PICALM: variants seen among roughly 807,000 people sequenced by gnomAD.
PICALM encodes the protein phosphatidylinositol-binding clathrin assembly protein.
Under a neutral mutation model 80.5 loss-of-function variants are expected in PICALM, and 40 were observed. The ratio of observed to expected loss-of-function variants is 0.50; its 90% CI spans 0.39 to 0.65. The LOEUF (loss-of-function observed/expected upper bound fraction) is 0.65, where lower values mean the gene tolerates loss of function less well. Among genes scored for constraint, PICALM ranks in the 30% least tolerant of loss-of-function variants. The probability of loss-of-function intolerance (pLI) is 0.00; values close to 1 mark genes in which losing one functional copy is unlikely to be tolerated. For missense variants in PICALM, 676 were observed against 778.9 expected (o/e 0.87, Z 1.57); for synonymous variants, 288 against 260.3 (o/e 1.11, Z -1.02).
upstream of PICALM, chr11:86,069,166 C>G (rs1051529927): frequency 4.5e-6 from 1 of 221,184 alleles, no homozygotes; most frequent in Non-Finnish European, 9.2e-6. Context: ...TTCTCCCGCC[C>G]CTTTCCCCTT....
intron 17 of PICALM, among the ~76,000 whole-genome samples, chr11:85,980,727 T>C (rs1242413073): frequency 2.6e-5 from 4 of 152,170 alleles, no homozygotes; most frequent in African/African-American, 7.2e-5. Context: ...TAAGGACATA[T>C]GTTCTATAGT....
At chr11:86,062,514 G>A (rs148236493) in intron 1 of PICALM, among the ~76,000 whole-genome samples, 3,199 of 149,886 alleles carry the variant, frequency 0.021, 114 homozygotes, top group African/African-American at 0.072. Flanking sequence ...GCGAAACTCC[G>A]TCTCAAAAAA....
intron 1 of PICALM, 84 bp downstream of exon 1, chr11:86,068,567 G>A (rs989733455): frequency 3.8e-6 from 5 of 1,314,716 alleles, no homozygotes; most frequent in South Asian, 2.7e-5. Context: ...GGCAGTAGAA[G>A]GGTGAAAGAC....
intron 12 of PICALM, among the ~76,000 whole-genome samples, chr11:85,990,952 C>G (rs1014748502): frequency 6.6e-6 from 1 of 152,032 alleles, no homozygotes; most frequent in African/African-American, 2.4e-5. Context: ...TAATTAAGAA[C>G]AGAGATGAAA....
chr11:86,062,008 T>A (rs2096374364), intron 1 of PICALM, among the ~76,000 whole-genome samples: 1 of 151,908 alleles, frequency 6.6e-6, no homozygotes, highest in Non-Finnish European at 1.5e-5. Flanking sequence ...AAAGAAAATC[T>A]GAAAAGGCTA....
chr11:85,987,538 G>GA (rs777850208), intron 13 of PICALM, among the ~76,000 whole-genome samples: 8 of 152,254 alleles, frequency 5.3e-5, no homozygotes, highest in Non-Finnish European at 8.8e-5. Context: ...AAGCAATAAA[G>GA]AAAAAATCAA....
chr11:85,962,694 A>T (rs1592275503), intron 19 of PICALM, among the ~76,000 whole-genome samples: 1 of 152,236 alleles, frequency 6.6e-6, no homozygotes, highest in South Asian at 2.1e-4. Context: ...TCTCATATCT[A>T]TAAAAATGTA....
In PICALM at chr11:86,056,172, G is replaced by C. The variant is rs191779665; in HGVS notation, c.130+12479C>G. On this transcript the variant is annotated intron_variant, in intron 1 of 19. Coordinates refer to ENST00000393346, the MANE Select transcript of PICALM (RefSeq NM_007166.4). ...AAAAGAAAAAACCCTTGAAAAATTA[G>C]ACTTGAAAATTTAAAACTTTTGTGC... 2.6e-3 allele frequency among the ~76,000 whole-genome samples: 286 copies of C among 110,084 alleles called. 2 individuals are homozygous for C. The highest frequency in any genetic ancestry group is 5.1e-3 in the Non-Finnish European group (247 of 48,834). The allele number at this position is 110,084 out of a possible 152,430, so 72.2% of individuals were successfully genotyped here. A position where few individuals can be genotyped will look rare whatever the true frequency, so the allele number is the denominator to read the frequency against.
At chr11:86,014,847 T>TA in intron 5 of PICALM, 23 bp downstream of exon 5, 1 of 1,359,890 alleles carries the variant, frequency 7.4e-7, no homozygotes, top group Non-Finnish European at 1.0e-6. Flanking sequence ...TTTAAAATCT[T>TA]AAATTACAAA....
chr11:85,998,454 G>A (rs984385557), intron 11 of PICALM, among the ~76,000 whole-genome samples: 14 of 151,600 alleles, frequency 9.2e-5, no homozygotes, highest in African/African-American at 3.4e-4. Flanking sequence ...CATGACCCCA[G>A]AGTGTCTAAG....
At chr11:85,976,793 G>A in intron 17 of PICALM, 111 bp from the exon 18 acceptor site, 1 of 664,776 alleles carries the variant, frequency 1.5e-6, no homozygotes, top group Non-Finnish European at 2.8e-6. Flanking sequence ...AGACAGCTGT[G>A]AGTAAGTGAC....
At chr11:85,982,245 G>A (rs540332254) in intron 14 of PICALM, 12 of 428,990 alleles carry the variant, frequency 2.8e-5, no homozygotes, top group Non-Finnish European at 4.7e-5. Flanking sequence ...ATTACATTAG[G>A]GTTAAAGGGG....
intron 19 of PICALM, among the ~76,000 whole-genome samples, chr11:85,967,346 G>A (rs1379835101): frequency 6.6e-6 from 1 of 151,412 alleles, no homozygotes; most frequent in African/African-American, 2.4e-5. Context: ...ATACTTTCTG[G>A]TTTTATTTAT....
intron 1 of PICALM, among the ~76,000 whole-genome samples, chr11:86,060,630 C>T (rs986755851): frequency 6.6e-6 from 1 of 151,896 alleles, no homozygotes; most frequent in Admixed American, 6.6e-5. Flanking sequence ...CCAAAAGTCC[C>T]CAGACCACAC....
At chr11:85,995,748 A>T (rs181627290) in intron 12 of PICALM, among the ~76,000 whole-genome samples, 7 of 152,178 alleles carry the variant, frequency 4.6e-5, no homozygotes, top group African/African-American at 1.7e-4. Flanking sequence ...GAAAATAATT[A>T]AGAATCCAAA....
chr11:85,993,306 C>A (rs1228714278), intron 12 of PICALM, among the ~76,000 whole-genome samples: 1 of 152,014 alleles, frequency 6.6e-6, no homozygotes, highest in East Asian at 1.9e-4. Flanking sequence ...AGGCTGGTCT[C>A]GAACTCCTGG....
chr11:86,061,844 C>A (rs2096371141), intron 1 of PICALM, among the ~76,000 whole-genome samples: 2 of 152,116 alleles, frequency 1.3e-5, no homozygotes, highest in South Asian at 4.1e-4. Flanking sequence ...ATTGCCAAAA[C>A]TAGGGAGCAA....
In PICALM at chr11:85,958,778, G is replaced by A. The variant is rs907221835; in HGVS notation, c.*268C>T. 1.3e-5 allele frequency: 5 copies of A among 375,584 alleles called. No homozygotes were observed. The highest frequency in any genetic ancestry group is 1.0e-4 in the African/African-American group (5 of 48,930). 23.3% of individuals were successfully genotyped at this position (375,584 alleles called of 1,614,324 possible). A position where few individuals can be genotyped will look rare whatever the true frequency, so the allele number is the denominator to read the frequency against. ...TTACTGATTATGGGTATTAACAGGA[G>A]TTGAAAGAATTGAAGGGTTAGTCAC... On this transcript the variant is annotated 3_prime_UTR_variant, in exon 20 of 20. Coordinates refer to ENST00000393346, the MANE Select transcript of PICALM (RefSeq NM_007166.4).
chr11:86,069,046 G>C lies in PICALM; in HGVS notation c.-266C>G, dbSNP rs916469392. On this transcript the variant is annotated 5_prime_UTR_variant, in exon 1 of 20. Transcript: ENST00000393346. ...ACCCCTTCCCGGGTCAGCTGGAGCC[G>C]GGCAGGGTAAGAGGAACAGGCAGCT... 4.5e-6 allele frequency: 2 copies of C among 445,662 alleles called. No homozygotes were observed. Among genetic ancestry groups the C allele is most frequent in the Non-Finnish European group, 4.1e-6 (1 of 246,846 alleles). 27.6% of individuals were successfully genotyped at this position (445,662 alleles called of 1,614,324 possible). A position where few individuals can be genotyped will look rare whatever the true frequency, so the allele number is the denominator to read the frequency against.
Sources: allele counts gnomAD v4.1 joint callset (sites outside exome capture counted in the v4.1 genomes callset), GRCh38; gene constraint gnomAD v4.1.1; transcripts MANE v1.5; gene names NCBI Gene and HGNC (gene_info 2026-07-23, HGNC 2026-07-21).